Variants in ADD3 observed in about 807,000 individuals in gnomAD.
ADD3 encodes the protein gamma-adducin.
Under a neutral mutation model 80.2 loss-of-function variants are expected in ADD3, and 25 were observed. The observed-to-expected ratio is 0.31, with a 90% CI of 0.23 to 0.44. ADD3 has a LOEUF of 0.44. Among genes scored for constraint, ADD3 ranks in the 20% least tolerant of loss-of-function variants. The pLI, the probability that ADD3 is intolerant of heterozygous loss-of-function variation, is 1.00. For missense variants in ADD3, 829 were observed against 847.5 expected (o/e 0.98, Z 0.27); for synonymous variants, 284 against 289.6 (o/e 0.98, Z 0.20).
chr10:110,102,261 T>C (rs767468818), intron 2 of ADD3, among the ~76,000 whole-genome samples: 4 of 142,688 alleles, frequency 2.8e-5, no homozygotes, highest in Non-Finnish European at 5.9e-5. Context: ...ATTAATTATT[T>C]AGATCAAAAA....
chr10:110,033,923 G>A (rs775610056), intron 1 of ADD3, among the ~76,000 whole-genome samples: 7 of 152,170 alleles, frequency 4.6e-5, no homozygotes, highest in Non-Finnish European at 8.8e-5. Flanking sequence ...TGCCAAATAT[G>A]TTTGGGAAAC....
At chr10:110,031,436 G>T (rs1855015959) in intron 1 of ADD3, among the ~76,000 whole-genome samples, 1 of 152,220 alleles carries the variant, frequency 6.6e-6, no homozygotes, top group Non-Finnish European at 1.5e-5. Context: ...GATACATTGT[G>T]ACTTTGCTCT....
chr10:110,055,400 G>T (rs11194968), intron 1 of ADD3, among the ~76,000 whole-genome samples: 2 of 152,036 alleles, frequency 1.3e-5, no homozygotes, highest in Non-Finnish European at 2.9e-5. Flanking sequence ...GTTTTGGGAT[G>T]AGTACTGAGT....
At chr10:110,115,856 T>C (rs1590190859) in intron 3 of ADD3, among the ~76,000 whole-genome samples, 1 of 152,234 alleles carries the variant, frequency 6.6e-6, no homozygotes, top group South Asian at 2.1e-4. Flanking sequence ...CAAATGTTTT[T>C]TGTGTTTGAA....
intron 1 of ADD3, among the ~76,000 whole-genome samples, chr10:110,012,049 T>A (rs976131111): frequency 6.6e-6 from 1 of 152,242 alleles, no homozygotes; most frequent in Non-Finnish European, 1.5e-5. Flanking sequence ...AATATGATTA[T>A]TTTTTATTCT....
At chr10:110,025,230 C>G (rs370024990) in intron 1 of ADD3, among the ~76,000 whole-genome samples, 3 of 151,910 alleles carry the variant, frequency 2.0e-5, no homozygotes, top group South Asian at 2.1e-4. Context: ...TCCTAGCGTC[C>G]GTTCCACTAA....
At chr10:110,085,893 G>A (rs1286994570) in intron 1 of ADD3, among the ~76,000 whole-genome samples, 1 of 151,332 alleles carries the variant, frequency 6.6e-6, no homozygotes, top group Non-Finnish European at 1.5e-5. Context: ...ATCACCTGAG[G>A]TCGGGAGTTC....
chr10:110,122,375 C>G (rs1160942737), intron 9 of ADD3, 83 bp downstream of exon 9: 3 of 1,228,568 alleles, frequency 2.4e-6, no homozygotes, highest in African/African-American at 3.0e-5. Context: ...AGAACATGCT[C>G]CATACTCTTC....
At chr10:110,013,383 G>C (rs188178210) in intron 1 of ADD3, among the ~76,000 whole-genome samples, 3 of 152,188 alleles carry the variant, frequency 2.0e-5, no homozygotes, top group Admixed American at 6.5e-5. Context: ...GGTTACAGGC[G>C]TGAGCCACTG....
At chr10:110,132,269 T>C (rs781577953) in intron 13 of ADD3, 36 bp from the exon 14 acceptor site, 4 of 1,497,002 alleles carry the variant, frequency 2.7e-6, no homozygotes, top group Non-Finnish European at 2.8e-6. Context: ...CTTTGTTTTG[T>C]TTTGCATGGC....
intron 2 of ADD3, among the ~76,000 whole-genome samples, chr10:110,109,569 C>T (rs1463906317): frequency 6.6e-6 from 1 of 152,132 alleles, no homozygotes; most frequent in African/African-American, 2.4e-5. Context: ...GAGTGATACA[C>T]ATAGTAGGTA....
chr10:110,016,146 C>T (rs1474324485), intron 1 of ADD3, among the ~76,000 whole-genome samples: 1 of 152,184 alleles, frequency 6.6e-6, no homozygotes, highest in Non-Finnish European at 1.5e-5. Flanking sequence ...CTGAATGTAA[C>T]AGGACATACT....
chr10:110,015,165 G>A (rs1253503778), intron 1 of ADD3, among the ~76,000 whole-genome samples: 1 of 152,114 alleles, frequency 6.6e-6, no homozygotes, highest in Non-Finnish European at 1.5e-5. Context: ...TGCACTAAAA[G>A]GAATTTTTTT....
Position 110,132,343 on chromosome 10 carries a change from G to T in ADD3, c.1771G>T (p.Val591Phe), listed in dbSNP as rs114935406. 227 of 1,613,862 alleles carry T rather than the reference G, an allele frequency of 1.4e-4. 1 individual carries two copies. In the African/African-American group the frequency reaches 2.9e-3, roughly 20 times the overall value. Residue 591 changes from valine to phenylalanine, a missense_variant, in exon 14 of 15, where the codon GTT becomes TTT. By Grantham distance (50) the Val-to-Phe change is conservative. Coordinates refer to ENST00000356080, the MANE Select transcript of ADD3 (RefSeq NM_016824.5). ...ATTACTCTCAGATGACGCTTCATCT[G>T]TTTCACAAATTCAGTCTCAAACTCA... ...QELLSDDASSVSQIQSQTQSP... is the reference protein window; with the variant it reads ...QELLSDDASSFSQIQSQTQSP...
intron 1 of ADD3, among the ~76,000 whole-genome samples, chr10:110,053,455 T>G (rs1187500097): frequency 6.6e-6 from 1 of 152,112 alleles, no homozygotes; most frequent in Non-Finnish European, 1.5e-5. Flanking sequence ...ATGTCTGCAT[T>G]TCTAGTAATA....
chr10:110,023,718 T>C (rs1853956960), intron 1 of ADD3, among the ~76,000 whole-genome samples: 1 of 152,238 alleles, frequency 6.6e-6, no homozygotes, highest in South Asian at 2.1e-4. Flanking sequence ...TTAATCTGCT[T>C]TACTGCTCAA....
chr10:110,079,920 G>C (rs1341279735), intron 1 of ADD3, among the ~76,000 whole-genome samples: 1 of 152,114 alleles, frequency 6.6e-6, no homozygotes, highest in Non-Finnish European at 1.5e-5. Flanking sequence ...CTCCTTTGAT[G>C]GATATTTGGA....
At chr10:110,083,343 C>T (rs1042069694) in intron 1 of ADD3, among the ~76,000 whole-genome samples, 4 of 151,968 alleles carry the variant, frequency 2.6e-5, no homozygotes, top group Admixed American at 6.6e-5. Flanking sequence ...GGTGAAACCC[C>T]GTCTCTACTA....
intron 1 of ADD3, among the ~76,000 whole-genome samples, chr10:110,087,445 C>T (rs1027729444): frequency 3.3e-5 from 5 of 152,188 alleles, no homozygotes; most frequent in African/African-American, 1.2e-4. Context: ...GCAGTAGAGC[C>T]TGCTGCATCT....
Sources: gnomAD v4.1 joint callset for allele counts (sites outside exome capture counted in the v4.1 genomes callset) on GRCh38, gnomAD v4.1.1 for gene constraint, MANE v1.5 for transcripts, NCBI Gene and HGNC (gene_info 2026-07-23, HGNC 2026-07-21) for gene names.